Variants in SYNE2 observed in about 807,000 individuals in gnomAD.
The protein encoded by SYNE2 is nesprin-2.
Under a neutral mutation model 856.3 loss-of-function variants are expected in SYNE2, and 431 were observed. The ratio of observed to expected loss-of-function variants is 0.50; its 90% confidence interval spans 0.47 to 0.55. The LOEUF is 0.55. SYNE2 is among the 20% of genes least tolerant of loss of function. The pLI, the probability that SYNE2 is intolerant of heterozygous loss-of-function variation, is 0.00. For missense variants in SYNE2, 8,129 were observed against 8,023.2 expected, an observed-to-expected ratio of 1.01 and a Z score of -0.50; for synonymous variants, 2,923 against 2,872.3, an observed-to-expected ratio of 1.02 and a Z score of -0.56.
rs759481658 is a variant in SYNE2, at chr14:64,119,550, G to T, written c.12964G>T (p.Val4322Leu). ...AGCGCTTTCCCTGAAACTGAAAACAGTGAAGTGCAATTTAGAAAAAGTCCA... is the reference window on the plus strand; with the variant it reads ...AGCGCTTTCCCTGAAACTGAAAACATTGAAGTGCAATTTAGAAAAAGTCCA... The part of the protein sequence containing the change: ...AEALSLKLKT[V>L]KCNLEKVQMM... Residue 4322 changes from valine to leucine, a missense_variant, in exon 67 of 116, where the codon GTG (valine) becomes TTG (leucine). Transcript: ENST00000555002. 1.5e-5 allele frequency: 24 copies of T among 1,614,214 alleles called. No individual in the cohort carries two copies. The South Asian group carries it at 2.6e-4, about 18-fold the overall frequency.
intron 101 of SYNE2, chr14:64,209,148 G>T (rs1435243539): frequency 4.7e-6 from 4 of 856,028 alleles, no homozygotes; most frequent in Admixed American, 2.2e-5. Context: ...CCTGTGTGGG[G>T]TGTGGCTGTG....
At chr14:64,157,696 C>G (rs1008903038) in intron 85 of SYNE2, among the ~76,000 whole-genome samples, 3 of 152,280 alleles carry the variant, frequency 2.0e-5, no homozygotes, top group African/African-American at 7.2e-5. Flanking sequence ...ACATTCCCAC[C>G]AGCAATGTAT....
In SYNE2 at chr14:64,158,689, A is replaced by C. The variant is rs149354607; in HGVS notation, c.15857A>C (p.Tyr5286Ser). 1.2e-6 allele frequency: 2 copies of C among 1,614,006 alleles called. No homozygotes were observed. Among genetic ancestry groups the C allele is most frequent in the African/African-American group, 1.3e-5 (1 of 75,048 alleles). Reference protein sequence around the residue: ...LQEWKIYDQLYDEVNMMTIRF... With the variant: ...LQEWKIYDQLSDEVNMMTIRF... ...GAGTGGAAGATTTATGATCAACTCT[A>C]TGATGAAGTGAATATGATGACAATC... The change falls in exon 86 of 116, where the codon TAT (tyrosine) becomes TCT (serine). Residue 5286 changes from tyrosine (Y) to serine (S), a missense_variant. Around this residue, in one of 3 missense-constraint regions of SYNE2, gnomAD observed 5,410 missense variants for 5,284.8 expected, o/e 1.02. Transcript: ENST00000555002.
chr14:64,100,084 T>C (rs1379441348), intron 63 of SYNE2: 1 of 152,020 alleles, frequency 6.6e-6, no homozygotes, highest in East Asian at 1.9e-4. Flanking sequence ...CCAACCCAAA[T>C]GTCCAACAAT....
At position 63,858,262 on chromosome 14, in the gene SYNE2, C is replaced by CTTTTTTTTTTTT. The variant is rs61091259; in HGVS notation, c.-52+5140_-52+5151dup. On this transcript the variant is annotated intron_variant, in intron 1 of 115. Transcript: ENST00000555002. ...TACAGGTGTGCGTCTCCACACCGGC[C>CTTTTTTTTTTTT]TTTTTTTTTTTTTTTTTTTTTTTTT... Among the ~76,000 whole-genome samples the CTTTTTTTTTTTT allele has an allele frequency of 5.3e-4, 28 of 52,938 alleles. 1 individual carries two copies. The highest frequency in any genetic ancestry group is 1.0e-3 in the African/African-American group (12 of 11,656). 34.7% of individuals were successfully genotyped at this position (52,938 alleles called of 152,430 possible). A position where few individuals can be genotyped will look rare whatever the true frequency, so the allele number is the denominator to read the frequency against.
intron 76 of SYNE2, 143 bp from the exon 77 acceptor site, chr14:64,132,122 C>T (rs2098028199): frequency 4.4e-6 from 4 of 906,668 alleles, no homozygotes; most frequent in Non-Finnish European, 6.7e-6. Flanking sequence ...CCATCTTGGC[C>T]AGGCTGGTCA....
At chr14:63,977,451 A>G (rs1038284273) in intron 12 of SYNE2, among the ~76,000 whole-genome samples, 103 of 152,222 alleles carry the variant, frequency 6.8e-4, no homozygotes, top group African/African-American at 2.4e-3. Flanking sequence ...TGACCTTGTG[A>G]TCTGCCCACC....
At position 64,209,438 on chromosome 14, in the gene SYNE2, A is replaced by T; in HGVS notation, c.18400A>T (p.Thr6134Ser). The change falls in exon 102 of 116, where the codon ACG becomes TCG. Residue 6134 changes from threonine to serine, a missense_variant. Physicochemically the swap from Thr to Ser is moderately conservative, Grantham distance 58. This residue lies in a region of SYNE2 where 5,410 missense variants were observed against 5,284.8 expected (regional missense o/e 1.02). Coordinates refer to ENST00000555002, the MANE Select transcript of SYNE2 (RefSeq NM_182914.3). ...SMERRMKIEE[T>S]WRLWQKFLDD... ...CTTTGCTCCCATCAGAATCGAGGAG[A>T]CGTGGCGCCTGTGGCAGAAGTTTTT... The T allele has an allele frequency of 6.2e-7, 1 of 1,614,202 alleles. No homozygotes were observed. Among genetic ancestry groups the T allele is most frequent in the Non-Finnish European group, 8.5e-7 (1 of 1,180,032 alleles).
At chr14:64,206,940 CCGGT>C (rs1191061513) in intron 100 of SYNE2, among the ~76,000 whole-genome samples, 14 of 152,242 alleles carry the variant, frequency 9.2e-5, no homozygotes, top group African/African-American at 3.1e-4. Flanking sequence ...GTTCTGTGAA[CCGGT>C]AAGAGTTCTT....
chr14:63,932,197 G>T (rs4899122), intron 2 of SYNE2, among the ~76,000 whole-genome samples: 1 of 151,528 alleles, frequency 6.6e-6, no homozygotes, highest in Non-Finnish European at 1.5e-5. Flanking sequence ...CCTGGCCAAC[G>T]TAGTGAAACC....
chr14:64,126,277 G>A (rs982296149), intron 71 of SYNE2, 50 bp from the exon 72 acceptor site: 6 of 1,544,320 alleles, frequency 3.9e-6, no homozygotes, highest in East Asian at 2.2e-5. Context: ...TATAGGTCTA[G>A]GAAGGCAAAG....
chr14:64,022,432 G>A (rs781449482), intron 37 of SYNE2, among the ~76,000 whole-genome samples: 1 of 152,108 alleles, frequency 6.6e-6, no homozygotes, highest in South Asian at 2.1e-4. Flanking sequence ...GCATAGAACT[G>A]TATCTAAATA....
chr14:63,970,910 C>T (rs1218651099), intron 11 of SYNE2, among the ~76,000 whole-genome samples: 13 of 151,802 alleles, frequency 8.6e-5, no homozygotes, highest in Non-Finnish European at 1.8e-4. Context: ...GCCTTGACCT[C>T]CCAAAGTGCT....
Position 63,976,685 on chromosome 14 carries a change from T to G in SYNE2, c.1251T>G (p.Ser417=). 6.2e-7 allele frequency: 1 copy of G among 1,613,414 alleles called. No individual in the cohort carries two copies. Among genetic ancestry groups the G allele is most frequent in the Non-Finnish European group, 8.5e-7 (1 of 1,179,906 alleles). ...DEDLSASQDH[S]QAVTLIQEKM... ...ATTTGTCAGCCTCCCAGGATCACTC[T>G]CAAGCCGTGACTCTGATACAAGAGA... The change falls in exon 12 of 116, where the codon TCT becomes TCG. Residue 417 remains serine, a synonymous_variant. Transcript: ENST00000555002.
At position 64,087,687 on chromosome 14, in the gene SYNE2, C is replaced by A; in HGVS notation, c.11501C>A (p.Ser3834Ter). The A allele has an allele frequency of 6.2e-7, 1 of 1,613,998 alleles. No homozygotes were observed. Among genetic ancestry groups the A allele is most frequent in the South Asian group, 1.1e-5 (1 of 91,060 alleles). ...TTTATCTAGATGGCTTTGGAAGATT[C>A]AGAACAGAAGCACAATCTTTTACAT... ...ASTVQMALED[S>*]EQKHNLLHSI... is the part of the protein sequence containing the mutation. Residue 3834 changes from serine to a stop codon, truncating the protein, a stop_gained, in exon 58 of 116, where the codon TCA becomes TAA. Coordinates refer to ENST00000555002, the MANE Select transcript of SYNE2 (RefSeq NM_182914.3). LOFTEE classifies it high-confidence loss of function.
At chr14:64,024,055 T>C in intron 38 of SYNE2, 2 of 531,886 alleles carry the variant, frequency 3.8e-6, no homozygotes, top group Non-Finnish European at 3.4e-6. Context: ...TGTGTTACTT[T>C]GCTTGATGTA....
intron 1 of SYNE2, among the ~76,000 whole-genome samples, chr14:63,841,125 G>A (rs1458626887): frequency 1.3e-5 from 2 of 152,114 alleles, no homozygotes; most frequent in African/African-American, 2.4e-5. Context: ...GGGCTTAGAG[G>A]GGGGGCCCCA....
rs1236560516 is a variant in SYNE2 at position 63,974,848 on chromosome 14, GTACA to G, written c.1129-1713_1129-1710del. Among the ~76,000 whole-genome samples, 106 of 62,864 alleles carry G rather than the reference GTACA, an allele frequency of 1.7e-3. 2 individuals are homozygous for G. The East Asian group carries it at 0.022, about 13-fold the overall frequency. The allele number at this position is 62,864 out of a possible 152,430, so 41.2% of individuals were successfully genotyped here. On this transcript the variant is annotated intron_variant, in intron 11 of 115. Transcript: ENST00000555002. Reference sequence around the variant, plus strand: ...TATGTATATAGACGTGTGTGTGTGTGTACATGTGTGTGTGTGTGTGTGTGTGTGT... The same window carrying G: ...TATGTATATAGACGTGTGTGTGTGTGTGTGTGTGTGTGTGTGTGTGTGTGT...
chr14:64,164,003 T>A (rs1024247538), intron 89 of SYNE2, among the ~76,000 whole-genome samples: 4 of 152,144 alleles, frequency 2.6e-5, no homozygotes, highest in African/African-American at 7.2e-5. Context: ...CACTGCAACC[T>A]CCACCTCCCG....
Sources: allele counts gnomAD v4.1 joint callset (sites outside exome capture counted in the v4.1 genomes callset), GRCh38; gene constraint gnomAD v4.1.1; regional missense constraint gnomAD v4.1.1; transcripts MANE v1.5; gene names NCBI Gene and HGNC (gene_info 2026-07-23, HGNC 2026-07-21).